Variants in RNLS observed in about 807,000 individuals in gnomAD.
RNLS encodes renalase.
A neutral mutation model predicts 39.8 loss-of-function variants in RNLS; 39 were observed. The observed-to-expected ratio is 0.98, with a 90% CI of 0.76 to 1.28. The LOEUF (loss-of-function observed/expected upper bound fraction) is 1.28, where lower values mean the gene tolerates loss of function less well. RNLS is among the 50% of genes most tolerant of loss of function. RNLS has a pLI of 0.00. For missense variants in RNLS, 410 were observed against 413.3 expected (o/e 0.99, Z 0.07); for synonymous variants, 147 against 150.7 (o/e 0.98, Z 0.18).
At chr10:88,191,111 C>T in the RNLS span, among the ~76,000 whole-genome samples, 5 of 152,174 alleles carry the variant, frequency 3.3e-5, no homozygotes, top group Non-Finnish European at 7.4e-5. Context: ...ATTCACATTC[C>T]CTTTTCAGAG....
Sources: gnomAD v4.1 joint callset for allele counts (sites outside exome capture counted in the v4.1 genomes callset) on GRCh38, gnomAD v4.1.1 for gene constraint, MANE v1.5 for transcripts, NCBI Gene and HGNC (gene_info 2026-07-23, HGNC 2026-07-21) for gene names.